Variants in OSBPL2 observed in about 807,000 individuals in gnomAD.
The protein encoded by OSBPL2 is oxysterol-binding protein-related protein 2.
Under a neutral mutation model 58.4 loss-of-function variants are expected in OSBPL2, and 18 were observed. That is an observed-to-expected ratio of 0.31 (90% CI 0.21 to 0.46). The LOEUF (loss-of-function observed/expected upper bound fraction) is 0.46. Among genes scored for constraint, OSBPL2 ranks in the 20% least tolerant of loss-of-function variants. OSBPL2 has a pLI of 1.00. For synonymous variants in OSBPL2, 221 were observed against 234.1 expected, an observed-to-expected ratio of 0.94 and a Z score of 0.51; for missense variants, 461 against 616.5, an observed-to-expected ratio of 0.75 and a Z score of 2.67.
At chr20:62,265,716 T>C (rs552025680) in intron 4 of OSBPL2, among the ~76,000 whole-genome samples, 1 of 152,384 alleles carries the variant, frequency 6.6e-6, no homozygotes, top group South Asian at 2.1e-4. Flanking sequence ...TTTTCTGCAA[T>C]GTTTTTTGTA....
At chr20:62,277,776 A>G (rs552487920) in intron 6 of OSBPL2, among the ~76,000 whole-genome samples, 84 of 152,308 alleles carry the variant, frequency 5.5e-4, no homozygotes, top group Non-Finnish European at 6.5e-4. Flanking sequence ...TAGCTTTTCT[A>G]ATTTTTAATG....
chr20:62,292,958 C>T (rs1310154447), intron 13 of OSBPL2, among the ~76,000 whole-genome samples: 1 of 151,806 alleles, frequency 6.6e-6, no homozygotes, highest in African/African-American at 2.4e-5. Context: ...AGCTCCGCCC[C>T]TCCGGGTTCA....
chr20:62,274,681 C>G lies in OSBPL2; in HGVS notation c.491+1275C>G, dbSNP rs573336456. Among the ~76,000 whole-genome samples, 167 of 152,332 alleles carry G rather than the reference C, an allele frequency of 1.1e-3. 1 individual carries two copies. Among genetic ancestry groups the G allele is most frequent in the South Asian group, 4.1e-3 (20 of 4,828 alleles). ...TTCACTCTTCTGACTGTCAGTGGAG[C>G]CCAGCACACAGAGCTCGCTCCGCCT... On this transcript the variant is annotated intron_variant, in intron 6 of 13. Transcript: ENST00000313733.
chr20:62,248,155 CTTTTT>C (rs11470491), intron 1 of OSBPL2, among the ~76,000 whole-genome samples: 47 of 118,844 alleles, frequency 4.0e-4, no homozygotes, highest in Non-Finnish European at 5.1e-4. Context: ...CTTTTCTTTT[CTTTTT>C]TTTTTTTTTT....
chr20:62,281,291 G>A (rs565974451), intron 8 of OSBPL2, 126 bp downstream of exon 8: 13 of 656,430 alleles, frequency 2.0e-5, no homozygotes, highest in South Asian at 1.4e-4. Flanking sequence ...CCGTGTCCCC[G>A]CCAGCCCAGG....
At chr20:62,262,238 C>T (rs1189569330) in intron 3 of OSBPL2, among the ~76,000 whole-genome samples, 2 of 152,214 alleles carry the variant, frequency 1.3e-5, no homozygotes, top group East Asian at 1.9e-4. Flanking sequence ...TCACTCACCT[C>T]TTAGGAAGAA....
intron 6 of OSBPL2, chr20:62,278,743 G>GTGTC (rs764379713): frequency 1.2e-5 from 2 of 166,984 alleles, no homozygotes; most frequent in African/African-American, 3.2e-5. Context: ...GTTTGTGTGT[G>GTGTC]TGTTGCCAAC....
At chr20:62,289,388 G>T in intron 12 of OSBPL2, 58 bp downstream of exon 12, 1 of 1,580,110 alleles carries the variant, frequency 6.3e-7, no homozygotes, top group East Asian at 2.3e-5. Context: ...GGCTAGGGTG[G>T]GAGAGCACAA....
chr20:62,248,769 C>T (rs1202519608), intron 1 of OSBPL2, among the ~76,000 whole-genome samples: 1 of 152,114 alleles, frequency 6.6e-6, no homozygotes, highest in African/African-American at 2.4e-5. Context: ...TAGCTCACTG[C>T]AGCCTCCAAC....
In OSBPL2 at chr20:62,291,919, G is replaced by A. The variant is rs78838327; in HGVS notation, c.1340+126G>A. 1.5e-4 allele frequency: 100 copies of A among 651,238 alleles called. No individual in the cohort carries two copies. In the African/African-American group the frequency reaches 1.7e-3, roughly 11 times the overall value. The allele number at this position is 651,238 out of a possible 1,614,324, so 40.3% of individuals were successfully genotyped here. A position where few individuals can be genotyped will look rare whatever the true frequency, so the allele number is the denominator to read the frequency against. ...GGCCCCACACACACCTGGGGACGGC[G>A]GGGAGTGCCTTCTCTCACCCCCACA... is the stretch of plus-strand genomic sequence containing the variant. On this transcript the variant is annotated intron_variant, in intron 13 of 13. Transcript: ENST00000313733.
At chr20:62,271,840 G>T in intron 4 of OSBPL2, 1 of 364,048 alleles carries the variant, frequency 2.7e-6, no homozygotes, top group South Asian at 4.2e-5. Flanking sequence ...GGCAGTCTCT[G>T]TGTCTGGAAT....
chr20:62,278,516 GT>G (rs11475539), intron 6 of OSBPL2: 5,838 of 69,464 alleles, frequency 0.084, 444 homozygotes, highest in Middle Eastern at 0.12. Flanking sequence ...TTATGTGTGT[GT>G]TGCCAACGTT....
intron 4 of OSBPL2, among the ~76,000 whole-genome samples, chr20:62,265,717 G>GT (rs1182927288): frequency 6.6e-6 from 1 of 152,094 alleles, no homozygotes; most frequent in Non-Finnish European, 1.5e-5. Flanking sequence ...TTTCTGCAAT[G>GT]TTTTTTGTAC....
rs543672751 is a variant in OSBPL2 at position 62,277,436 on chromosome 20, T to C, written c.492-1721T>C. ...TCCTGCTGCACAGCCAGAAGCAAGC[T>C]ATGCACCTTCGCAACGCCGAGACAC... On this transcript the variant is annotated intron_variant, in intron 6 of 13. Transcript: ENST00000313733. Among the ~76,000 whole-genome samples the C allele has an allele frequency of 2.6e-5, 4 of 152,360 alleles. No homozygotes were observed. In the East Asian group the frequency reaches 7.7e-4, roughly 29 times the overall value.
rs1332904721 is a variant in OSBPL2 at position 62,293,644 on chromosome 20, G to A, written c.1341-141G>A. 6 of 627,484 alleles carry A rather than the reference G, an allele frequency of 9.6e-6. No homozygotes were observed. The Admixed American group carries it at 2.2e-4, about 23-fold the overall frequency. 38.9% of individuals were successfully genotyped at this position (627,484 alleles called of 1,614,324 possible). On this transcript the variant is annotated intron_variant, in intron 13 of 13. Coordinates refer to ENST00000313733, the MANE Select transcript of OSBPL2 (RefSeq NM_144498.4). ...ACGTGATCAATAATTCTCCGTTGAA[G>A]TTGTTACGCTGGGCTGCATTTTAAA...
Position 62,260,019 on chromosome 20 carries a change from G to A in OSBPL2, c.76G>A (p.Ala26Thr), listed in dbSNP as rs79783838. 3,228 of 1,613,896 alleles carry A rather than the reference G, an allele frequency of 2.0e-3. 73 individuals carry two copies. The African/African-American group carries it at 0.038, about 19-fold the overall frequency. Reference sequence around the variant, plus strand: ...TAACTCTTCTGGGGAATTTTCAGAGGCAAATCAGAAAGTCACGGGAATGAT... The same window carrying A: ...TAACTCTTCTGGGGAATTTTCAGAGACAAATCAGAAAGTCACGGGAATGAT... ...SDNSSGEFSEANQKVTGMIDL... is the reference protein window; with the variant it reads ...SDNSSGEFSETNQKVTGMIDL... Residue 26 changes from alanine to threonine, a missense_variant, in exon 3 of 14, where the codon GCA becomes ACA. By Grantham distance (58) the Ala-to-Thr change is moderately conservative. Coordinates refer to ENST00000313733, the MANE Select transcript of OSBPL2 (RefSeq NM_144498.4).
chr20:62,242,050 G>A (rs1979770287), intron 1 of OSBPL2, among the ~76,000 whole-genome samples: 1 of 152,222 alleles, frequency 6.6e-6, no homozygotes, highest in African/African-American at 2.4e-5. Flanking sequence ...AATATGGTGG[G>A]TTCTGGTTTG....
chr20:62,289,092 C>A, intron 11 of OSBPL2, 115 bp from the exon 12 acceptor site: 1 of 1,181,008 alleles, frequency 8.5e-7, no homozygotes, highest in Non-Finnish European at 1.2e-6. Flanking sequence ...AGTAGGTTCC[C>A]ATGGTGGCAG....
chr20:62,266,265 A>G (rs1464674097), intron 4 of OSBPL2, among the ~76,000 whole-genome samples: 2 of 152,234 alleles, frequency 1.3e-5, no homozygotes, highest in African/African-American at 4.8e-5. Context: ...CAAGCATAGT[A>G]GAAAGGCGCT....
Sources: gnomAD v4.1 joint callset for allele counts (sites outside exome capture counted in the v4.1 genomes callset) on GRCh38, gnomAD v4.1.1 for gene constraint, MANE v1.5 for transcripts, NCBI Gene and HGNC (gene_info 2026-07-23, HGNC 2026-07-21) for gene names.